ARHGEF28: variants seen among roughly 807,000 people sequenced by gnomAD.
ARHGEF28 encodes the protein Rho guanine nucleotide exchange factor 28, also known as 190 kDa guanine nucleotide exchange factor.
ARHGEF28 carries 152 observed loss-of-function variants against 206.6 expected under a neutral mutation model. That is an observed-to-expected ratio of 0.74 (90% CI 0.64 to 0.84). ARHGEF28 has a LOEUF of 0.84. Among genes scored for constraint, ARHGEF28 ranks in the 40% least tolerant of loss-of-function variants. The probability of loss-of-function intolerance (pLI) is 0.00; values close to 1 mark genes in which losing one functional copy is unlikely to be tolerated. For missense variants in ARHGEF28, 2,028 were observed against 2,073.2 expected, an observed-to-expected ratio of 0.98 and a Z score of 0.42; for synonymous variants, 763 against 776.4, an observed-to-expected ratio of 0.98 and a Z score of 0.29.
chr5:73,906,633 T>C (rs140985274), intron 33 of ARHGEF28, among the ~76,000 whole-genome samples: 9 of 152,362 alleles, frequency 5.9e-5, no homozygotes, highest in Non-Finnish European at 8.8e-5. Flanking sequence ...CATAATCACT[T>C]ACTTGTCTTA....
chr5:73,852,726 T>C, intron 14 of ARHGEF28, 34 bp downstream of exon 14: 1 of 1,601,098 alleles, frequency 6.2e-7, no homozygotes, highest in South Asian at 1.1e-5. Flanking sequence ...CCTGAGGAAC[T>C]GCATGATCCT....
chr5:73,665,436 C>G (rs1745893146), intron 1 of ARHGEF28, among the ~76,000 whole-genome samples: 1 of 152,200 alleles, frequency 6.6e-6, no homozygotes, highest in Non-Finnish European at 1.5e-5. Context: ...ATCCTCCCAC[C>G]TCAGCCTCCC....
chr5:73,710,317 A>G (rs1580512778), intron 2 of ARHGEF28, among the ~76,000 whole-genome samples: 2 of 152,312 alleles, frequency 1.3e-5, no homozygotes, highest in East Asian at 1.9e-4. Flanking sequence ...AATGCTGAGT[A>G]TCTTTTCATA....
intron 26 of ARHGEF28, among the ~76,000 whole-genome samples, chr5:73,891,357 G>A (rs1427582512): frequency 3.9e-5 from 6 of 152,098 alleles, no homozygotes; most frequent in African/African-American, 1.2e-4. Context: ...TATTGAAAGA[G>A]TATTGCAAGT....
At position 73,926,089 on chromosome 5, in the gene ARHGEF28, C is replaced by T. The variant is rs532408413; in HGVS notation, c.4948+14514C>T. Among the ~76,000 whole-genome samples the T allele has an allele frequency of 2.2e-4, 34 of 152,278 alleles. 1 individual carries two copies. Among genetic ancestry groups the T allele is most frequent in the African/African-American group, 5.3e-4 (22 of 41,564 alleles). On this transcript the variant is annotated intron_variant, in intron 35 of 35. Transcript: ENST00000513042. ...GGTGCTGAGACCAGGTTTTGTTCAA[C>T]GTGATTTTCCTGGTGTCCAGCCCAG...
chr5:73,924,113 C>T (rs887720818), intron 35 of ARHGEF28, among the ~76,000 whole-genome samples: 14 of 152,236 alleles, frequency 9.2e-5, no homozygotes, highest in East Asian at 1.9e-4. Flanking sequence ...AGCCAAGTTT[C>T]GGTAAATGTT....
chr5:73,742,830 CAAAAAAAAAA>C (rs373495344), intron 2 of ARHGEF28, among the ~76,000 whole-genome samples: 7 of 56,474 alleles, frequency 1.2e-4, no homozygotes, highest in Non-Finnish European at 1.9e-4. Context: ...GACTCCGTCT[CAAAAAAAAAA>C]AAAAAAAAAA....
intron 35 of ARHGEF28, among the ~76,000 whole-genome samples, chr5:73,912,005 G>A (rs551804255): frequency 1.3e-5 from 2 of 151,804 alleles, no homozygotes; most frequent in East Asian, 1.9e-4. Context: ...TTCCTGTAAC[G>A]TTAGTGAAAT....
rs772076184 is a variant in ARHGEF28, at chr5:73,904,229, G to A, written c.4082G>A (p.Cys1361Tyr). Residue 1361 changes from cysteine to tyrosine, a missense_variant, in exon 32 of 36, where the codon TGT becomes TAT. Transcript: ENST00000513042. ...GTTTTTTATGTATTTTAGGTGGAATGTAGAAATTTTCCAGGTTCTTCACAA... is the reference window on the plus strand; with the variant it reads ...GTTTTTTATGTATTTTAGGTGGAATATAGAAATTTTCCAGGTTCTTCACAA... ...AVSDAGEKVE[C>Y]RNFPGSSQSE... 1.2e-6 allele frequency: 2 copies of A among 1,613,836 alleles called. No homozygotes were observed. Among genetic ancestry groups the A allele is most frequent in the Non-Finnish European group, 1.7e-6 (2 of 1,179,764 alleles).
rs757995340 is a variant in ARHGEF28, at chr5:73,840,633, G to A, written c.1300G>A (p.Glu434Lys). 51 of 1,613,710 alleles carry A rather than the reference G, an allele frequency of 3.2e-5. No individual in the cohort carries two copies. Among genetic ancestry groups the A allele is most frequent in the African/African-American group, 4.0e-5 (3 of 74,868 alleles). ...TGTGTACCCACTTAGTGAAAATGTCGAAGGGACAGCACACACTGAAGCCCA... is the reference window on the plus strand; with the variant it reads ...TGTGTACCCACTTAGTGAAAATGTCAAAGGGACAGCACACACTGAAGCCCA... Reference protein sequence around the residue: ...PSVYPLSENVEGTAHTEAQQS... With the variant: ...PSVYPLSENVKGTAHTEAQQS... The change falls in exon 11 of 36, where the codon GAA (glutamate) becomes AAA (lysine). Residue 434 changes from glutamate to lysine, a missense_variant. Coordinates refer to ENST00000513042, the MANE Select transcript of ARHGEF28 (RefSeq NM_001177693.2).
intron 7 of ARHGEF28, among the ~76,000 whole-genome samples, chr5:73,783,139 T>C (rs1175772410): frequency 6.6e-6 from 1 of 152,200 alleles, no homozygotes; most frequent in African/African-American, 2.4e-5. Flanking sequence ...CACAGTGTGA[T>C]AATTGCTACA....
At chr5:73,650,563 G>A (rs1744748254) in intron 1 of ARHGEF28, among the ~76,000 whole-genome samples, 1 of 151,970 alleles carries the variant, frequency 6.6e-6, no homozygotes. Context: ...GATTACAGGT[G>A]TGAGCCACCG....
At chr5:73,722,906 T>G (rs1472375461) in intron 2 of ARHGEF28, among the ~76,000 whole-genome samples, 2 of 152,256 alleles carry the variant, frequency 1.3e-5, no homozygotes, top group Non-Finnish European at 2.9e-5. Context: ...ATGTTTTAAT[T>G]TAGACCGTCA....
In ARHGEF28 at chr5:73,677,571, C is replaced by A. The variant is rs1026098045; in HGVS notation, c.-11-7270C>A. Among the ~76,000 whole-genome samples, 7 of 152,222 alleles carry A rather than the reference C, an allele frequency of 4.6e-5. No homozygotes were observed. The East Asian group carries it at 1.2e-3, about 25-fold the overall frequency. ...CCATGTAAATGTTATATTTACTTTC[C>A]TCTTTTATTAAAAACATTTTTAGCC... On this transcript the variant is annotated intron_variant, in intron 1 of 35. Coordinates refer to ENST00000513042, the MANE Select transcript of ARHGEF28 (RefSeq NM_001177693.2).
chr5:73,848,888 G>A, intron 12 of ARHGEF28, 88 bp from the exon 13 acceptor site: 1 of 919,102 alleles, frequency 1.1e-6, no homozygotes, highest in Middle Eastern at 2.4e-4. Context: ...TCTTTTCAAA[G>A]GTGCAAATTT....
intron 35 of ARHGEF28, among the ~76,000 whole-genome samples, chr5:73,922,035 G>A (rs1763548164): frequency 1.3e-5 from 2 of 152,186 alleles, no homozygotes; most frequent in African/African-American, 4.8e-5. Flanking sequence ...ACTTCCTCAT[G>A]CAAAACCCCA....
At chr5:73,817,023 C>A (rs186542488) in intron 9 of ARHGEF28, among the ~76,000 whole-genome samples, 1 of 152,100 alleles carries the variant, frequency 6.6e-6, no homozygotes, top group Non-Finnish European at 1.5e-5. Context: ...GCTTATTAAT[C>A]AACGATTGAA....
chr5:73,697,401 A>ATT (rs2112276920), intron 2 of ARHGEF28, among the ~76,000 whole-genome samples: 1 of 152,340 alleles, frequency 6.6e-6, no homozygotes, highest in East Asian at 1.9e-4. Context: ...AAACTGGGTA[A>ATT]TTTATAAGAA....
intron 35 of ARHGEF28, among the ~76,000 whole-genome samples, chr5:73,934,301 G>A (rs1764297530): frequency 6.6e-6 from 1 of 152,138 alleles, no homozygotes; most frequent in South Asian, 2.1e-4. Flanking sequence ...TTTTTGACAT[G>A]AAAATAATAT....
Sources: gnomAD v4.1 joint callset for allele counts (sites outside exome capture counted in the v4.1 genomes callset) on GRCh38, gnomAD v4.1.1 for gene constraint, MANE v1.5 for transcripts, NCBI Gene and HGNC (gene_info 2026-07-23, HGNC 2026-07-21) for gene names.